RGS6: variants seen among roughly 807,000 people sequenced by gnomAD.
RGS6 encodes regulator of G-protein signaling 6.
RGS6 carries 30 observed loss-of-function variants against 78.5 expected under a neutral mutation model. The observed-to-expected ratio is 0.38, with a 90% CI of 0.29 to 0.52. The LOEUF (loss-of-function observed/expected upper bound fraction) is 0.52, where lower values mean the gene tolerates loss of function less well. Among genes scored for constraint, RGS6 ranks in the 20% least tolerant of loss-of-function variants. The pLI is 0.85. For missense variants in RGS6, 495 were observed against 609.7 expected (o/e 0.81, Z 1.98); for synonymous variants, 206 against 206.0 (o/e 1.00, Z 0.00).
chr14:72,044,971 T>C (rs2092720236), intron 2 of RGS6, among the ~76,000 whole-genome samples: 1 of 152,252 alleles, frequency 6.6e-6, no homozygotes, highest in Non-Finnish European at 1.5e-5. Context: ...CGCAGTTTCT[T>C]AGGCCTTCAG....
chr14:72,456,395 A>G lies in RGS6; in HGVS notation c.235+1817A>G, dbSNP rs113672697. ...AGCCTTGACCTCCCTGGCCCAAGCC[A>G]TCTTCCACCTCAGTCTCCCGAGTAG... is the stretch of plus-strand genomic sequence containing the variant. On this transcript the variant is annotated intron_variant, in intron 4 of 17. Transcript: ENST00000553525. Among the ~76,000 whole-genome samples the G allele has an allele frequency of 6.5e-4, 99 of 152,314 alleles. 1 individual carries two copies. The highest frequency in any genetic ancestry group is 2.2e-3 in the African/African-American group (92 of 41,562).
chr14:72,223,111 T>G (rs994748398), intron 2 of RGS6, among the ~76,000 whole-genome samples: 1 of 152,218 alleles, frequency 6.6e-6, no homozygotes, highest in African/African-American at 2.4e-5. Context: ...AGAGTTCAAA[T>G]TTGTTGATGA....
intron 1 of RGS6, among the ~76,000 whole-genome samples, chr14:71,945,231 CCAT>C (rs2091331903): frequency 6.6e-6 from 1 of 152,226 alleles, no homozygotes; most frequent in Admixed American, 6.5e-5. Flanking sequence ...AGCTTTATCA[CCAT>C]GACATTGCAT....
the RGS6 span, among the ~76,000 whole-genome samples, chr14:72,602,317 G>A: frequency 5.9e-5 from 9 of 152,184 alleles, no homozygotes; most frequent in African/African-American, 2.2e-4. Context: ...TCGACGAGAG[G>A]ATGGTAGGAG....
At chr14:72,390,750 G>T (rs765453154) in intron 3 of RGS6, among the ~76,000 whole-genome samples, 8 of 152,142 alleles carry the variant, frequency 5.3e-5, no homozygotes, top group Non-Finnish European at 4.4e-5. Context: ...GTGAGCTTCT[G>T]GTTCAACACT....
chr14:72,169,154 A>C (rs189230994), intron 2 of RGS6, among the ~76,000 whole-genome samples: 1 of 152,308 alleles, frequency 6.6e-6, no homozygotes, highest in Admixed American at 6.5e-5. Flanking sequence ...TTTTCTACAG[A>C]GAGAGGGAGA....
At chr14:72,389,637 G>A (rs929080971) in intron 3 of RGS6, among the ~76,000 whole-genome samples, 7 of 152,122 alleles carry the variant, frequency 4.6e-5, no homozygotes, top group South Asian at 2.1e-4. Context: ...GAAACTAATC[G>A]TCATGAGTGG....
chr14:72,572,911 G>A, the RGS6 span, among the ~76,000 whole-genome samples: 1 of 151,762 alleles, frequency 6.6e-6, no homozygotes, highest in Non-Finnish European at 1.5e-5. Flanking sequence ...AGGAGAGGGG[G>A]AAGAGAGAAA....
intron 2 of RGS6, among the ~76,000 whole-genome samples, chr14:72,295,076 G>C (rs2064470601): frequency 6.6e-6 from 1 of 152,046 alleles, no homozygotes; most frequent in Non-Finnish European, 1.5e-5. Context: ...CGGATCACGA[G>C]GTCAGGAGAT....
chr14:71,938,953 A>C (rs2090037602), intron 1 of RGS6, among the ~76,000 whole-genome samples: 1 of 152,208 alleles, frequency 6.6e-6, no homozygotes, highest in African/African-American at 2.4e-5. Context: ...CAAAGGCTCC[A>C]AACAGCATCC....
At chr14:71,913,380 C>T in the RGS6 span, among the ~76,000 whole-genome samples, 1 of 152,220 alleles carries the variant, frequency 6.6e-6, no homozygotes, top group Non-Finnish European at 1.5e-5. Flanking sequence ...GGAAGCTGCA[C>T]TCCCCAGTCT....
At chr14:72,037,833 A>T (rs1567071069) in intron 2 of RGS6, among the ~76,000 whole-genome samples, 1 of 152,166 alleles carries the variant, frequency 6.6e-6, no homozygotes, top group Non-Finnish European at 1.5e-5. Context: ...AAGTCAGTGA[A>T]TTTTACTGTA....
At chr14:72,317,484 C>G (rs912866899) in intron 2 of RGS6, among the ~76,000 whole-genome samples, 1 of 152,134 alleles carries the variant, frequency 6.6e-6, no homozygotes, top group Non-Finnish European at 1.5e-5. Flanking sequence ...TGCCTCGACT[C>G]TCTATTTCCA....
intron 2 of RGS6, among the ~76,000 whole-genome samples, chr14:72,024,819 T>C (rs2089499366): frequency 6.6e-6 from 1 of 152,202 alleles, no homozygotes; most frequent in Non-Finnish European, 1.5e-5. Context: ...GTGAGTTTAA[T>C]GTATCTGCAT....
chr14:71,911,812 C>T, the RGS6 span, among the ~76,000 whole-genome samples: 1 of 152,188 alleles, frequency 6.6e-6, no homozygotes, highest in African/African-American at 2.4e-5. Context: ...AAACCGAAAG[C>T]AGGCACTGGA....
intron 3 of RGS6, among the ~76,000 whole-genome samples, chr14:72,362,691 C>T (rs1228946921): frequency 6.6e-6 from 1 of 152,238 alleles, no homozygotes; most frequent in Non-Finnish European, 1.5e-5. Context: ...AGGGCCTAGG[C>T]TCCAGAACTC....
intron 2 of RGS6, among the ~76,000 whole-genome samples, chr14:72,103,106 T>C (rs1326832797): frequency 2.6e-5 from 4 of 152,216 alleles, no homozygotes; most frequent in African/African-American, 9.6e-5. Context: ...TTATCTCTCA[T>C]ATAATGGTAC....
At chr14:72,317,827 A>G (rs2070744662) in intron 2 of RGS6, among the ~76,000 whole-genome samples, 1 of 152,180 alleles carries the variant, frequency 6.6e-6, no homozygotes, top group African/African-American at 2.4e-5. Context: ...GGACAGATAT[A>G]TATAGAAAGG....
chr14:72,364,659 G>C (rs973710116), intron 3 of RGS6, among the ~76,000 whole-genome samples: 1 of 152,174 alleles, frequency 6.6e-6, no homozygotes, highest in African/African-American at 2.4e-5. Flanking sequence ...ACATTATAAG[G>C]CTGGTTAATC....
Sources: gnomAD v4.1 joint callset for allele counts (sites outside exome capture counted in the v4.1 genomes callset) on GRCh38, gnomAD v4.1.1 for gene constraint, MANE v1.5 for transcripts, NCBI Gene and HGNC (gene_info 2026-07-23, HGNC 2026-07-21) for gene names.